Variants in MAN1B1 observed in about 807,000 individuals in gnomAD.
MAN1B1 encodes the protein endoplasmic reticulum mannosyl-oligosaccharide 1,2-alpha-mannosidase.
In MAN1B1, 66 loss-of-function variants were observed where a neutral mutation model predicts 75.5. The ratio of observed to expected loss-of-function variants is 0.87; its 90% CI spans 0.72 to 1.07. The LOEUF is 1.07. Among genes scored for constraint, MAN1B1 ranks in the 50% least tolerant of loss-of-function variants. The pLI, the probability that MAN1B1 is intolerant of heterozygous loss-of-function variation, is 0.00. For synonymous variants in MAN1B1, 453 were observed against 382.8 expected (o/e 1.18, Z -2.14); for missense variants, 973 against 912.5 (o/e 1.07, Z -0.85).
chr9:137,106,603 G>A, intron 9 of MAN1B1, 86 bp from the exon 10 acceptor site: 1 of 1,597,046 alleles, frequency 6.3e-7, no homozygotes, highest in Non-Finnish European at 8.5e-7. Flanking sequence ...CTGTACTTGT[G>A]TGGGCCCAGG....
At chr9:137,087,280 G>A in intron 1 of MAN1B1, 62 bp downstream of exon 1, 1 of 1,518,976 alleles carries the variant, frequency 6.6e-7, no homozygotes, top group Non-Finnish European at 8.9e-7. Flanking sequence ...CTCCCAGACT[G>A]CGGCTCCGAG....
intron 4 of MAN1B1, among the ~76,000 whole-genome samples, chr9:137,097,269 T>G (rs1455545097): frequency 6.6e-6 from 1 of 152,222 alleles, no homozygotes; most frequent in Non-Finnish European, 1.5e-5. Flanking sequence ...GTAAGAGGCC[T>G]TTTGCTGATC....
At chr9:137,102,601 C>T in intron 8 of MAN1B1, 1 of 424,672 alleles carries the variant, frequency 2.4e-6, no homozygotes, top group South Asian at 1.7e-5. Context: ...TACATTCACG[C>T]TGTTGCAAGC....
intron 2 of MAN1B1, 196 bp downstream of exon 2, chr9:137,088,379 C>T (rs1305516087): frequency 1.3e-6 from 2 of 1,585,344 alleles, no homozygotes; most frequent in East Asian, 2.3e-5. Context: ...TGCTGTCTGA[C>T]TACTTTCTAG....
Position 137,106,248 on chromosome 9 carries a change from G to C in MAN1B1, c.1378G>C (p.Ala460Pro). Residue 460 changes from alanine (A) to proline (P), a missense_variant, in exon 9 of 13, where the codon GCC (alanine) becomes CCC (proline). Transcript: ENST00000371589. Reference protein sequence around the residue: ...FTHLGVFTLGARADSYYEYLL... With the variant: ...FTHLGVFTLGPRADSYYEYLL... ...CCACCTGGGCGTATTCACGCTGGGC[G>C]CCAGGGCCGACAGCTACTATGAGTA... is the stretch of plus-strand genomic sequence containing the variant. The C allele has an allele frequency of 6.3e-7, 1 of 1,587,392 alleles. No individual in the cohort carries two copies. The highest frequency in any genetic ancestry group is 1.1e-5 in the South Asian group (1 of 87,620).
chr9:137,100,883 G>A, intron 6 of MAN1B1, 122 bp from the exon 7 acceptor site: 1 of 1,108,980 alleles, frequency 9.0e-7, no homozygotes, highest in Non-Finnish European at 1.3e-6. Context: ...GCCTCCCAAA[G>A]TGCTGGGATT....
rs1401665933 is a variant in MAN1B1 at position 137,107,671 on chromosome 9, C to T, written c.1896+9C>T. The stretch of plus-strand genomic sequence containing the variant: ...TCAGCCGATTCACACGGGTGAGCAC[C>T]TGTCCTCGCCCCGCGTGGTCACGGC... On this transcript the variant is annotated intron_variant, in intron 12 of 12. Transcript: ENST00000371589. 6 of 1,609,542 alleles carry T rather than the reference C, an allele frequency of 3.7e-6. No homozygotes were observed. Among genetic ancestry groups the T allele is most frequent in the Admixed American group, 1.7e-5 (1 of 60,010 alleles).
At chr9:137,099,018 C>T (rs568596100) in intron 5 of MAN1B1, among the ~76,000 whole-genome samples, 26 of 152,158 alleles carry the variant, frequency 1.7e-4, no homozygotes, top group African/African-American at 5.3e-4. Context: ...TTAGTAGAGA[C>T]GGGGTTTCGC....
Position 137,106,312 on chromosome 9 carries a change from C to G in MAN1B1, c.1442C>G (p.Thr481Arg), listed in dbSNP as rs1588651013. 2.6e-6 allele frequency: 4 copies of G among 1,550,226 alleles called. No individual in the cohort carries two copies. Among genetic ancestry groups the G allele is most frequent in the East Asian group, 4.9e-5 (2 of 41,230 alleles). ...TGGATCCAGGGCGGGAAGCAGGAGA[C>G]ACAGTGAGGCCCGGCCCGCTGCCCC... ...KQWIQGGKQE[T>R]QLLEDYVEAI... The change falls in exon 9 of 13, where the codon ACA becomes AGA. Residue 481 changes from threonine to arginine, a missense_variant. Thr to Arg is a moderately conservative substitution (Grantham distance 71, BLOSUM62 -1). Transcript: ENST00000371589.
intron 6 of MAN1B1, 83 bp downstream of exon 6, chr9:137,099,964 G>A: frequency 6.7e-7 from 1 of 1,487,480 alleles, no homozygotes. Flanking sequence ...CACACGGGGT[G>A]AAAGCTGCTG....
In MAN1B1 at chr9:137,108,441, C is replaced by T. The variant is rs377461918; in HGVS notation, c.1950C>T (p.Pro650=). The change falls in exon 13 of 13, where the codon CCC becomes CCT. Residue 650 remains proline (P), a synonymous_variant. Transcript: ENST00000371589. Reference sequence around the variant, plus strand: ...ACAATGTCCAGGATCCTCAGAAGCCCGAGCCTAGGGACAAGATGGAGAGCT... The same window carrying T: ...ACAATGTCCAGGATCCTCAGAAGCCTGAGCCTAGGGACAAGATGGAGAGCT... The part of the protein sequence containing the change: ...SINNVQDPQK[P]EPRDKMESFF... The T allele has an allele frequency of 1.2e-4, 190 of 1,613,828 alleles. No individual in the cohort carries two copies. The highest frequency in any genetic ancestry group is 4.9e-4 in the Middle Eastern group (3 of 6,084).
At chr9:137,107,688 G>T (rs202020132) in intron 12 of MAN1B1, 26 bp downstream of exon 12, 110 of 1,610,162 alleles carry the variant, frequency 6.8e-5, no homozygotes, top group Non-Finnish European at 8.8e-5. Flanking sequence ...CGCCCCGCGT[G>T]GTCACGGCCA....
In MAN1B1 at chr9:137,098,883, A is replaced by G. The variant is rs532250476; in HGVS notation, c.731-813A>G. Among the ~76,000 whole-genome samples, 106 of 152,280 alleles carry G rather than the reference A, an allele frequency of 7.0e-4. 1 individual carries two copies. Among genetic ancestry groups the G allele is most frequent in the Non-Finnish European group, 1.2e-3 (83 of 68,006 alleles). The stretch of plus-strand genomic sequence containing the variant: ...TTATATATATGTGTATATTTGAGAC[A>G]GAGTCTTGCTTTGTCACTTCACTGC... On this transcript the variant is annotated intron_variant, in intron 5 of 12. Coordinates refer to ENST00000371589, the MANE Select transcript of MAN1B1 (RefSeq NM_016219.5).
chr9:137,106,897 T>C, intron 10 of MAN1B1, 88 bp downstream of exon 10: 1 of 1,324,252 alleles, frequency 7.6e-7, no homozygotes, highest in Non-Finnish European at 1.0e-6. Flanking sequence ...AAGAACGAAA[T>C]CCTGGCCATG....
rs577535445 is a variant in MAN1B1 at position 137,107,778 on chromosome 9, G to C, written c.1896+116G>C. 51 of 1,514,176 alleles carry C rather than the reference G, an allele frequency of 3.4e-5. 1 individual carries two copies. The highest frequency in any genetic ancestry group is 4.5e-5 in the Non-Finnish European group (49 of 1,097,056). The allele number at this position is 1,514,176 out of a possible 1,614,324, so 93.8% of individuals were successfully genotyped here. ...GTGGCTGTGACCTGGATCCGGGAGGGGCGGGCTTGCCGCAGCCTCGGGGTG... is the reference window on the plus strand; with the variant it reads ...GTGGCTGTGACCTGGATCCGGGAGGCGCGGGCTTGCCGCAGCCTCGGGGTG... On this transcript the variant is annotated intron_variant, in intron 12 of 12. Coordinates refer to ENST00000371589, the MANE Select transcript of MAN1B1 (RefSeq NM_016219.5).
At chr9:137,098,078 T>C in intron 5 of MAN1B1, 141 bp downstream of exon 5, 1 of 670,268 alleles carries the variant, frequency 1.5e-6, no homozygotes, top group Non-Finnish European at 2.7e-6. Context: ...GTTGTCTGAG[T>C]CCTCACAGGC....
Position 137,087,070 on chromosome 9 carries a change from T to C in MAN1B1, c.71T>C (p.Val24Ala). The C allele has an allele frequency of 1.2e-6, 2 of 1,603,402 alleles. No homozygotes were observed. The highest frequency in any genetic ancestry group is 1.7e-6 in the Non-Finnish European group (2 of 1,176,696). The change falls in exon 1 of 13, where the codon GTG (valine) becomes GCG (alanine). Residue 24 changes from valine to alanine, a missense_variant. Coordinates refer to ENST00000371589, the MANE Select transcript of MAN1B1 (RefSeq NM_016219.5). ...CAGTCGGACTTCCTGACGCCGCCAGTGGGCGGGGCCCCTTGGGCCGTCGCC... is the reference window on the plus strand; with the variant it reads ...CAGTCGGACTTCCTGACGCCGCCAGCGGGCGGGGCCCCTTGGGCCGTCGCC... ...SSQSDFLTPP[V>A]GGAPWAVATT...
Position 137,087,056 on chromosome 9 carries a change from C to T in MAN1B1, c.57C>T (p.Phe19=). The T allele has an allele frequency of 6.2e-7, 1 of 1,604,388 alleles. No homozygotes were observed. The highest frequency in any genetic ancestry group is 1.1e-5 in the South Asian group (1 of 89,230). The stretch of plus-strand genomic sequence containing the variant: ...CTCTCGGTTCCTCTCAGTCGGACTT[C>T]CTGACGCCGCCAGTGGGCGGGGCCC... ...SGALGSSQSD[F]LTPPVGGAPW... Residue 19 remains phenylalanine (F), a synonymous_variant, in exon 1 of 13, where the codon TTC becomes TTT. Coordinates refer to ENST00000371589, the MANE Select transcript of MAN1B1 (RefSeq NM_016219.5).
At chr9:137,105,943 T>C in intron 8 of MAN1B1, 182 bp from the exon 9 acceptor site, 1 of 701,088 alleles carries the variant, frequency 1.4e-6, no homozygotes, top group South Asian at 1.5e-5. Context: ...GCTGTGTGGC[T>C]GTGTGGTACG....
Sources: gnomAD v4.1 joint callset for allele counts (sites outside exome capture counted in the v4.1 genomes callset) on GRCh38, gnomAD v4.1.1 for gene constraint, MANE v1.5 for transcripts, NCBI Gene and HGNC (gene_info 2026-07-23, HGNC 2026-07-21) for gene names.